The following TAFA5 variants were observed in gnomAD, a reference collection of about 807,000 sequenced individuals.
The protein encoded by TAFA5 is TAFA chemokine like family member 5, also known as chemokine-like protein TAFA-5.
Under a neutral mutation model 15.3 loss-of-function variants are expected in TAFA5, and 6 were observed. The observed-to-expected ratio is 0.39, with a 90% CI of 0.21 to 0.77. The LOEUF is 0.77. Ranked by LOEUF, TAFA5 falls within the 30% of genes least tolerant of loss-of-function variation. The pLI, the probability that TAFA5 is intolerant of heterozygous loss-of-function variation, is 0.41. For missense variants in TAFA5, 161 were observed against 193.1 expected (o/e 0.83, Z 0.98); for synonymous variants, 103 against 80.7 (o/e 1.28, Z -1.48).
intron 1 of TAFA5, among the ~76,000 whole-genome samples, chr22:48,563,371 C>T (rs1310380687): frequency 6.6e-6 from 1 of 152,212 alleles, no homozygotes; most frequent in Non-Finnish European, 1.5e-5. Flanking sequence ...CCGTTTCTCC[C>T]AGCTTCCGGT....
chr22:48,709,319 C>G (rs1358261925), intron 3 of TAFA5, among the ~76,000 whole-genome samples: 1 of 152,230 alleles, frequency 6.6e-6, no homozygotes, highest in Non-Finnish European at 1.5e-5. Context: ...ATGATTCCGT[C>G]CTGCACCCAG....
chr22:48,603,388 G>T (rs987608511), intron 1 of TAFA5, among the ~76,000 whole-genome samples: 4 of 152,248 alleles, frequency 2.6e-5, no homozygotes, highest in African/African-American at 9.6e-5. Context: ...CACCACGCTG[G>T]GCAGCAAGCA....
At chr22:48,591,507 G>A (rs968269741) in intron 1 of TAFA5, among the ~76,000 whole-genome samples, 5 of 152,246 alleles carry the variant, frequency 3.3e-5, no homozygotes, top group Non-Finnish European at 1.5e-5. Flanking sequence ...GCAGCTGGGA[G>A]TTTCTGGGAG....
intron 1 of TAFA5, among the ~76,000 whole-genome samples, chr22:48,528,233 G>A (rs548115395): frequency 1.3e-5 from 2 of 152,302 alleles, no homozygotes; most frequent in East Asian, 1.9e-4. Context: ...GACAAGCTTC[G>A]AGCGGAGTGA....
At chr22:48,556,221 G>A (rs1481256016) in intron 1 of TAFA5, among the ~76,000 whole-genome samples, 2 of 152,116 alleles carry the variant, frequency 1.3e-5, no homozygotes, top group African/African-American at 2.4e-5. Context: ...GAGAAGAGGC[G>A]GGTCCCTCAC....
chr22:48,509,737 G>T (rs1921139759), intron 1 of TAFA5, among the ~76,000 whole-genome samples: 1 of 152,030 alleles, frequency 6.6e-6, no homozygotes, highest in Non-Finnish European at 1.5e-5. Flanking sequence ...GGATCACGAG[G>T]TCAGAAGATC....
At position 48,530,749 on chromosome 22, in the gene TAFA5, C is replaced by G. The variant is rs1283223194; in HGVS notation, c.112+41045C>G. On this transcript the variant is annotated intron_variant, in intron 1 of 3. Transcript: ENST00000402357. This position sits in a 1 kb window ranked among gnomAD's most constrained non-coding sequence, Gnocchi z 6.0. ...AGCCACCTGGTTCACACCTGACCCCCAGGCCCACCCCTTCAGGGGGCCGGT... is the reference window on the plus strand; with the variant it reads ...AGCCACCTGGTTCACACCTGACCCCGAGGCCCACCCCTTCAGGGGGCCGGT... Among the ~76,000 whole-genome samples the G allele has an allele frequency of 6.6e-6, 1 of 152,192 alleles. No homozygotes were observed. The highest frequency in any genetic ancestry group is 1.5e-5 in the Non-Finnish European group (1 of 68,036).
At chr22:48,525,522 T>C (rs1235863843) in intron 1 of TAFA5, among the ~76,000 whole-genome samples, 1 of 151,800 alleles carries the variant, frequency 6.6e-6, no homozygotes, top group Non-Finnish European at 1.5e-5. Context: ...CGGCTGAACC[T>C]CTGCCCAGGT....
At position 48,510,236 on chromosome 22, in the gene TAFA5, A is replaced by G. The variant is rs539620797; in HGVS notation, c.112+20532A>G. ...AAAGCTTCTGCACAGCAAAGGGAAC[A>G]GTCAGCAAGGTGAAGAAGACACCTG... On this transcript the variant is annotated intron_variant, in intron 1 of 3. Coordinates refer to ENST00000402357, the MANE Select transcript of TAFA5 (RefSeq NM_001082967.3). 1.8e-4 allele frequency among the ~76,000 whole-genome samples: 27 copies of G among 152,346 alleles called. No individual in the cohort carries two copies. The East Asian group carries it at 3.9e-3, about 22-fold the overall frequency.
At chr22:48,703,532 TG>T (rs1165201556) in intron 2 of TAFA5, among the ~76,000 whole-genome samples, 1 of 152,228 alleles carries the variant, frequency 6.6e-6, no homozygotes, top group Non-Finnish European at 1.5e-5. Context: ...CAGTGAGCTC[TG>T]GTGGCTTGCA....
chr22:48,531,135 G>T (rs1271690157), intron 1 of TAFA5, among the ~76,000 whole-genome samples: 1 of 127,808 alleles, frequency 7.8e-6, no homozygotes, highest in Non-Finnish European at 1.7e-5. Flanking sequence ...TCAGATCCAG[G>T]AAGTGTGGGT....
intron 1 of TAFA5, among the ~76,000 whole-genome samples, chr22:48,612,250 G>A (rs917307296): frequency 2.4e-4 from 37 of 152,224 alleles, no homozygotes; most frequent in African/African-American, 7.0e-4. Flanking sequence ...GGCCGCCAGC[G>A]TGGGTGACTC....
chr22:48,697,721 GTGA>G (rs1447203356), intron 2 of TAFA5, among the ~76,000 whole-genome samples: 2 of 151,934 alleles, frequency 1.3e-5, no homozygotes, highest in East Asian at 3.9e-4. Flanking sequence ...GTTGGTGATG[GTGA>G]TGATCATGGT....
In TAFA5 at chr22:48,552,074, T is replaced by C. The variant is rs112092297; in HGVS notation, c.112+62370T>C. Among the ~76,000 whole-genome samples, 1,850 of 152,328 alleles carry C rather than the reference T, an allele frequency of 0.012. 43 individuals are homozygous for C. The highest frequency in any genetic ancestry group is 0.043 in the African/African-American group (1,781 of 41,566). ...AAGCGTCCTCCAGTGCTCCCTCTGCTGTGCTCTGTCACTGTGGCTGTGTGG... is the reference window on the plus strand; with the variant it reads ...AAGCGTCCTCCAGTGCTCCCTCTGCCGTGCTCTGTCACTGTGGCTGTGTGG... On this transcript the variant is annotated intron_variant, in intron 1 of 3. Coordinates refer to ENST00000402357, the MANE Select transcript of TAFA5 (RefSeq NM_001082967.3). This position sits in a 1 kb window ranked among gnomAD's most constrained non-coding sequence, Gnocchi z 4.1.
chr22:48,611,504 G>C (rs1925409488), intron 1 of TAFA5, among the ~76,000 whole-genome samples: 1 of 152,178 alleles, frequency 6.6e-6, no homozygotes, highest in Non-Finnish European at 1.5e-5. Flanking sequence ...TCTGTGGCGG[G>C]AGCTATGCCT....
chr22:48,694,431 G>A (rs1419019842), intron 2 of TAFA5, among the ~76,000 whole-genome samples: 1 of 152,150 alleles, frequency 6.6e-6, no homozygotes, highest in East Asian at 1.9e-4. Flanking sequence ...CGTTTCGAGT[G>A]GGGCCCTTCC....
chr22:48,566,314 TG>T lies in TAFA5; in HGVS notation c.112+76612del, dbSNP rs1923406708. Among the ~76,000 whole-genome samples the T allele has an allele frequency of 1.4e-5, 2 of 144,840 alleles. No individual in the cohort carries two copies. Among genetic ancestry groups the T allele is most frequent in the Non-Finnish European group, 3.0e-5 (2 of 66,634 alleles). ...GAAAGATGGATGGATGATGGATAGATGGATGGATGGACGATGGGTGGATGAT... is the reference window on the plus strand; with the variant it reads ...GAAAGATGGATGGATGATGGATAGATGATGGATGGACGATGGGTGGATGAT... On this transcript the variant is annotated intron_variant, in intron 1 of 3. Coordinates refer to ENST00000402357, the MANE Select transcript of TAFA5 (RefSeq NM_001082967.3). The surrounding 1 kb of genome is among the most constrained non-coding windows in gnomAD (Gnocchi z 4.5).
At chr22:48,545,107 C>T in intron 1 of TAFA5, 1 of 351,642 alleles carries the variant, frequency 2.8e-6, no homozygotes, top group Non-Finnish European at 5.7e-6. Flanking sequence ...TCATGAGGTT[C>T]TAAGCGAGTC....
chr22:48,660,848 C>T (rs958713189), intron 2 of TAFA5, among the ~76,000 whole-genome samples: 2 of 152,168 alleles, frequency 1.3e-5, no homozygotes, highest in African/African-American at 4.8e-5. Flanking sequence ...GGAGCAGACA[C>T]TCTCAGAGCT....
Sources: gnomAD v4.1 joint callset for allele counts (sites outside exome capture counted in the v4.1 genomes callset) on GRCh38, gnomAD v4.1.1 for gene constraint, Gnocchi (gnomAD v3.1) non-coding constraint, MANE v1.5 for transcripts, NCBI Gene and HGNC (gene_info 2026-07-23, HGNC 2026-07-21) for gene names.